GNAT3: variants seen among roughly 807,000 people sequenced by gnomAD.
GNAT3 encodes the protein G protein subunit alpha transducin 3, also known as guanine nucleotide-binding protein G(t) subunit alpha-3.
Under a neutral mutation model 37.7 loss-of-function variants are expected in GNAT3, and 31 were observed. That is an observed-to-expected ratio of 0.82 (90% CI 0.62 to 1.11). GNAT3 has a LOEUF of 1.11. Among genes scored for constraint, GNAT3 ranks in the 50% most tolerant of loss-of-function variants. GNAT3 has a pLI of 0.00. For missense variants in GNAT3, 437 were observed against 412.5 expected (o/e 1.06, Z -0.51); for synonymous variants, 138 against 139.8 (o/e 0.99, Z 0.09).
intron 5 of GNAT3, among the ~76,000 whole-genome samples, chr7:80,471,461 G>GA (rs1790217777): frequency 1.3e-5 from 2 of 151,936 alleles, no homozygotes; most frequent in Non-Finnish European, 2.9e-5. Context: ...AGATGTCTCA[G>GA]AAAATGACCA....
Position 80,512,045 on chromosome 7 carries a change from C to T in GNAT3, c.-119G>A. ...CTGCTGAAGTACCTAGCAGTCCATT[C>T]CCTAATGCTCTAAGATTCTGCTTTG... is the stretch of plus-strand genomic sequence containing the variant. On this transcript the variant is annotated 5_prime_UTR_variant, in exon 1 of 8. Transcript: ENST00000398291. 3.2e-6 allele frequency: 2 copies of T among 629,338 alleles called. No individual in the cohort carries two copies. Among genetic ancestry groups the T allele is most frequent in the Non-Finnish European group, 5.6e-6 (2 of 354,196 alleles). 39.0% of individuals were successfully genotyped at this position (629,338 alleles called of 1,614,324 possible). A position where few individuals can be genotyped will look rare whatever the true frequency, so the allele number is the denominator to read the frequency against.
At chr7:80,490,913 A>T (rs1023147998) in intron 2 of GNAT3, among the ~76,000 whole-genome samples, 1 of 152,130 alleles carries the variant, frequency 6.6e-6, no homozygotes, top group Non-Finnish European at 1.5e-5. Flanking sequence ...TTAGTGAAGC[A>T]GGAAGTAGGG....
At chr7:80,497,562 A>AAAT (rs1790741671) in intron 1 of GNAT3, among the ~76,000 whole-genome samples, 12 of 143,108 alleles carry the variant, frequency 8.4e-5, no homozygotes, top group African/African-American at 3.2e-4. Context: ...GTATATACAT[A>AAAT]TACGTATATA....
At chr7:80,469,307 A>G (rs1212421527) in intron 5 of GNAT3, among the ~76,000 whole-genome samples, 1 of 152,016 alleles carries the variant, frequency 6.6e-6, no homozygotes, top group Non-Finnish European at 1.5e-5. Context: ...AGTCCTTTCA[A>G]TTCTGTTTTT....
At chr7:80,467,364 G>A (rs1221515389) in intron 5 of GNAT3, among the ~76,000 whole-genome samples, 1 of 152,056 alleles carries the variant, frequency 6.6e-6, no homozygotes, top group Non-Finnish European at 1.5e-5. Context: ...CATAGGTCCA[G>A]GGAGCACTGC....
chr7:80,502,525 A>G (rs772156987), intron 1 of GNAT3, among the ~76,000 whole-genome samples: 4 of 152,074 alleles, frequency 2.6e-5, no homozygotes, highest in Non-Finnish European at 5.9e-5. Context: ...TATTGCAACA[A>G]CGATTTTTAA....
chr7:80,511,097 G>A (rs1791057499), intron 1 of GNAT3, among the ~76,000 whole-genome samples: 2 of 151,930 alleles, frequency 1.3e-5, no homozygotes, highest in South Asian at 4.1e-4. Flanking sequence ...TCTGCATATG[G>A]ATTATTTTTA....
At chr7:80,494,867 C>T (rs1468888380) in intron 1 of GNAT3, among the ~76,000 whole-genome samples, 1 of 152,130 alleles carries the variant, frequency 6.6e-6, no homozygotes, top group East Asian at 1.9e-4. Flanking sequence ...TAATTTTTTT[C>T]ATTCCTCACC....
intron 3 of GNAT3, 30 bp downstream of exon 3, chr7:80,488,505 A>T: frequency 6.3e-7 from 1 of 1,576,980 alleles, no homozygotes; most frequent in Non-Finnish European, 8.7e-7. Flanking sequence ...CTATTGCAGG[A>T]CATACAGCTG....
chr7:80,484,218 T>TAGAG (rs1278801782), intron 3 of GNAT3, among the ~76,000 whole-genome samples: 4 of 152,142 alleles, frequency 2.6e-5, no homozygotes, highest in Non-Finnish European at 5.9e-5. Context: ...GTGGAACTTA[T>TAGAG]TCTGAACCCT....
chr7:80,469,695 T>C (rs1199915619), intron 5 of GNAT3, among the ~76,000 whole-genome samples: 5 of 152,118 alleles, frequency 3.3e-5, no homozygotes, highest in Non-Finnish European at 5.9e-5. Flanking sequence ...TCTTATGCTA[T>C]GTGAATACAA....
intron 1 of GNAT3, among the ~76,000 whole-genome samples, chr7:80,504,336 T>C (rs1262764366): frequency 2.6e-5 from 4 of 151,846 alleles, no homozygotes; most frequent in African/African-American, 9.7e-5. Context: ...AGAAAATTAT[T>C]GAGATGTGAA....
At chr7:80,475,817 G>A (rs753614178) in intron 4 of GNAT3, among the ~76,000 whole-genome samples, 6 of 152,048 alleles carry the variant, frequency 3.9e-5, no homozygotes, top group Admixed American at 2.0e-4. Context: ...GATTTCGGCC[G>A]AGAGTAAAAA....
chr7:80,502,181 G>T (rs1790845372), intron 1 of GNAT3, among the ~76,000 whole-genome samples: 3 of 151,996 alleles, frequency 2.0e-5, no homozygotes, highest in African/African-American at 7.2e-5. Flanking sequence ...TGACGGAGAA[G>T]TCTACTGTGT....
At chr7:80,464,860 G>C (rs1562719573) in intron 5 of GNAT3, among the ~76,000 whole-genome samples, 1 of 151,992 alleles carries the variant, frequency 6.6e-6, no homozygotes, top group South Asian at 2.1e-4. Context: ...TTAAGCAGTA[G>C]ACTAAAAGAG....
At chr7:80,486,738 A>C (rs10229347) in intron 3 of GNAT3, among the ~76,000 whole-genome samples, 2,604 of 147,770 alleles carry the variant, frequency 0.018, 88 homozygotes, top group African/African-American at 0.061. Flanking sequence ...GCCTCCCAAG[A>C]TGTTGAGATT....
intron 7 of GNAT3, 65 bp downstream of exon 7, chr7:80,462,094 C>A: frequency 9.8e-7 from 1 of 1,022,258 alleles, no homozygotes; most frequent in South Asian, 1.6e-5. Flanking sequence ...ATGTCAAGAT[C>A]CAGATAGGAA....
chr7:80,480,130 A>C (rs1001974888), intron 3 of GNAT3, among the ~76,000 whole-genome samples: 3 of 152,220 alleles, frequency 2.0e-5, no homozygotes, highest in Non-Finnish European at 4.4e-5. Context: ...AGAATAACTA[A>C]ATTGACTGTG....
chr7:80,462,670 T>G, intron 5 of GNAT3, 39 bp from the exon 6 acceptor site: 9 of 1,543,392 alleles, frequency 5.8e-6, no homozygotes, highest in South Asian at 1.2e-5. Flanking sequence ...ATCTTGCAAA[T>G]ATCCTCCAAA....
Sources: allele counts gnomAD v4.1 joint callset (sites outside exome capture counted in the v4.1 genomes callset), GRCh38; gene constraint gnomAD v4.1.1; transcripts MANE v1.5; gene names NCBI Gene and HGNC (gene_info 2026-07-23, HGNC 2026-07-21).